The following N4BP2 variants were observed in gnomAD, a reference collection of about 807,000 sequenced individuals.
N4BP2 encodes NEDD4-binding protein 2.
A neutral mutation model predicts 152.8 loss-of-function variants in N4BP2; 91 were observed. The ratio of observed to expected loss-of-function variants is 0.60; its 90% CI spans 0.50 to 0.71. The LOEUF (loss-of-function observed/expected upper bound fraction) is 0.71, where lower values mean the gene tolerates loss of function less well. Ranked by LOEUF, N4BP2 falls within the 30% of genes least tolerant of loss-of-function variation. The pLI is 0.00. For synonymous variants in N4BP2, 646 were observed against 705.3 expected, an observed-to-expected ratio of 0.92 and a Z score of 1.33; for missense variants, 1,923 against 2,059.1, an observed-to-expected ratio of 0.93 and a Z score of 1.28.
chr4:40,141,863 A>T (rs1579128096), intron 14 of N4BP2, among the ~76,000 whole-genome samples: 1 of 152,202 alleles, frequency 6.6e-6, no homozygotes, highest in African/African-American at 2.4e-5. Flanking sequence ...AGGCTGGCGG[A>T]TCACTCGCGG....
intron 2 of N4BP2, among the ~76,000 whole-genome samples, chr4:40,081,700 G>T (rs1029556904): frequency 6.6e-6 from 1 of 152,144 alleles, no homozygotes; most frequent in African/African-American, 2.4e-5. Flanking sequence ...ATCAGGCTGG[G>T]CACAGTGGCT....
intron 14 of N4BP2, among the ~76,000 whole-genome samples, chr4:40,139,988 T>G (rs926634873): frequency 1.3e-5 from 2 of 151,180 alleles, no homozygotes; most frequent in Non-Finnish European, 3.0e-5. Flanking sequence ...TTTGTAGAGA[T>G]AGGGTTTTGG....
rs1479793514 is a variant in N4BP2 at position 40,144,806 on chromosome 4, A to G, written c.5143+6A>G. ...TTTAGAGAAGAAGACTGAAGGTAGG[A>G]CTGTGGTAATCACAAGTTTTCAATA... On this transcript the variant is annotated splice_donor_region_variant and intron_variant, in intron 16 of 17. Coordinates refer to ENST00000261435, the MANE Select transcript of N4BP2 (RefSeq NM_018177.6). The G allele has an allele frequency of 6.3e-7, 1 of 1,595,440 alleles. No homozygotes were observed. Among genetic ancestry groups the G allele is most frequent in the East Asian group, 2.3e-5 (1 of 44,432 alleles).
chr4:40,062,414 T>C (rs1303059309), intron 1 of N4BP2, among the ~76,000 whole-genome samples: 28 of 152,184 alleles, frequency 1.8e-4, no homozygotes. Context: ...ACCTGGGTTG[T>C]TGCACGAGCC....
At chr4:40,113,593 G>A in intron 7 of N4BP2, 85 bp downstream of exon 7, 2 of 881,728 alleles carry the variant, frequency 2.3e-6, no homozygotes, top group East Asian at 2.4e-5. Context: ...TGTAAATGAT[G>A]AATGAATTGA....
rs927990236 is a variant in N4BP2 at position 40,158,149 on chromosome 4, T to C, written c.*3912T>C. On this transcript the variant is annotated 3_prime_UTR_variant, in exon 18 of 18. Coordinates refer to ENST00000261435, the MANE Select transcript of N4BP2 (RefSeq NM_018177.6). Reference sequence around the variant, plus strand: ...TAGAAAATGTAATTTTGCTGTTAACTCTGTACTTTTTAAATTGAAAATGTT... The same window carrying C: ...TAGAAAATGTAATTTTGCTGTTAACCCTGTACTTTTTAAATTGAAAATGTT... The C allele has an allele frequency of 6.6e-6, 1 of 152,218 alleles. No homozygotes were observed. The highest frequency in any genetic ancestry group is 1.5e-5 in the Non-Finnish European group (1 of 68,016). The allele number at this position is 152,218 out of a possible 1,614,324, so 9.4% of individuals were successfully genotyped here. A position where few individuals can be genotyped will look rare whatever the true frequency, so the allele number is the denominator to read the frequency against.
At chr4:40,176,232 T>C in the N4BP2 span, among the ~76,000 whole-genome samples, 1 of 152,228 alleles carries the variant, frequency 6.6e-6, no homozygotes, top group African/African-American at 2.4e-5. Context: ...AAATGATTTT[T>C]CATCTTGCAA....
rs563765078 is a variant in N4BP2, at chr4:40,156,255, T to G, written c.*2018T>G. 2.0e-5 allele frequency: 3 copies of G among 152,272 alleles called. No homozygotes were observed. Among genetic ancestry groups the G allele is most frequent in the African/African-American group, 7.2e-5 (3 of 41,558 alleles). The allele number at this position is 152,272 out of a possible 1,614,324, so 9.4% of individuals were successfully genotyped here. On this transcript the variant is annotated 3_prime_UTR_variant, in exon 18 of 18. Coordinates refer to ENST00000261435, the MANE Select transcript of N4BP2 (RefSeq NM_018177.6). ...TTTAAAAATCATCACTTTTCGGCAC[T>G]TCAGCTAGACTTATTTCAATATTAT...
intron 16 of N4BP2, among the ~76,000 whole-genome samples, chr4:40,149,758 A>G (rs982286683): frequency 1.3e-5 from 2 of 151,988 alleles, no homozygotes; most frequent in East Asian, 1.9e-4. Context: ...TTAGCTGGGC[A>G]TGGTGGCGGG....
chr4:40,148,355 G>A (rs939083280), intron 16 of N4BP2, among the ~76,000 whole-genome samples: 2 of 152,202 alleles, frequency 1.3e-5, no homozygotes, highest in African/African-American at 4.8e-5. Flanking sequence ...GCAGGCGGAG[G>A]CAGGAGAATC....
intron 3 of N4BP2, among the ~76,000 whole-genome samples, chr4:40,099,808 AC>A (rs543456247): frequency 7.0e-4 from 107 of 151,848 alleles, no homozygotes; most frequent in Non-Finnish European, 1.3e-3. Flanking sequence ...CATTGTATAG[AC>A]ATTAAGTTTT....
At chr4:40,117,182 T>C (rs779240747) in intron 7 of N4BP2, among the ~76,000 whole-genome samples, 5 of 152,204 alleles carry the variant, frequency 3.3e-5, no homozygotes, top group African/African-American at 4.8e-5. Flanking sequence ...ATGCATTCTC[T>C]TCTCTTTCCG....
intron 10 of N4BP2, among the ~76,000 whole-genome samples, chr4:40,123,931 T>C (rs1257015327): frequency 2.0e-5 from 3 of 152,216 alleles, no homozygotes; most frequent in African/African-American, 7.2e-5. Flanking sequence ...AAGAAATTTT[T>C]TTTTTTAAAT....
intron 2 of N4BP2, among the ~76,000 whole-genome samples, chr4:40,086,124 C>T (rs1375651186): frequency 9.5e-6 from 1 of 104,840 alleles, no homozygotes; most frequent in East Asian, 3.2e-4. Context: ...GCCAACATGC[C>T]CGGCTAATTT....
intron 3 of N4BP2, among the ~76,000 whole-genome samples, chr4:40,101,407 G>A (rs1372041054): frequency 1.3e-5 from 2 of 152,060 alleles, no homozygotes; most frequent in African/African-American, 2.4e-5. Flanking sequence ...TGATCCACCC[G>A]CCTCAGCCTC....
At chr4:40,181,323 C>T in the N4BP2 span, among the ~76,000 whole-genome samples, 87 of 152,214 alleles carry the variant, frequency 5.7e-4, no homozygotes, top group African/African-American at 1.9e-3. Context: ...TCGTTTCTTC[C>T]GGATAGCAAT....
At chr4:40,122,984 C>A in intron 9 of N4BP2, 143 bp from the exon 10 acceptor site, 1 of 547,906 alleles carries the variant, frequency 1.8e-6, no homozygotes, top group Non-Finnish European at 3.3e-6. Flanking sequence ...AATAGAAATA[C>A]TCTAAGATTT....
chr4:40,111,407 G>A (rs565237905), intron 5 of N4BP2, among the ~76,000 whole-genome samples: 2 of 152,160 alleles, frequency 1.3e-5, no homozygotes, highest in South Asian at 2.1e-4. Flanking sequence ...TGCAACCTCC[G>A]CATACCGGGT....
rs1051260542 is a variant in N4BP2 at position 40,154,995 on chromosome 4, G to C, written c.*758G>C. 1 of 152,174 alleles carries C rather than the reference G, an allele frequency of 6.6e-6. No individual in the cohort carries two copies. Among genetic ancestry groups the C allele is most frequent in the Non-Finnish European group, 1.5e-5 (1 of 68,028 alleles). The allele number at this position is 152,174 out of a possible 1,614,324, so 9.4% of individuals were successfully genotyped here. Reference sequence around the variant, plus strand: ...AATGCTTCTAGAACTGTCTGTATAAGTCGTATTTCAGACAGTACTAAATAC... The same window carrying C: ...AATGCTTCTAGAACTGTCTGTATAACTCGTATTTCAGACAGTACTAAATAC... On this transcript the variant is annotated 3_prime_UTR_variant, in exon 18 of 18. Transcript: ENST00000261435.
Sources: gnomAD v4.1 joint callset for allele counts (sites outside exome capture counted in the v4.1 genomes callset) on GRCh38, gnomAD v4.1.1 for gene constraint, MANE v1.5 for transcripts, NCBI Gene and HGNC (gene_info 2026-07-23, HGNC 2026-07-21) for gene names.